The following CACNA2D3 variants were observed in gnomAD, a reference collection of about 807,000 sequenced individuals.
CACNA2D3 encodes voltage-dependent calcium channel subunit alpha-2/delta-3.
In CACNA2D3, 60 loss-of-function variants were observed where a neutral mutation model predicts 160.6. The ratio of observed to expected loss-of-function variants is 0.37; its 90% confidence interval spans 0.30 to 0.46. CACNA2D3 has a LOEUF of 0.46. CACNA2D3 is among the 20% of genes least tolerant of loss of function. CACNA2D3 has a pLI of 1.00. For synonymous variants in CACNA2D3, 558 were observed against 492.9 expected (o/e 1.13, Z -1.75); for missense variants, 1,205 against 1,365.0 (o/e 0.88, Z 1.85).
At chr3:55,039,793 A>G (rs542485541) in intron 35 of CACNA2D3, among the ~76,000 whole-genome samples, 10 of 152,350 alleles carry the variant, frequency 6.6e-5, no homozygotes, top group African/African-American at 2.2e-4. Flanking sequence ...GCTTTGCCAA[A>G]ATCTTTTAAG....
chr3:54,468,644 A>G (rs1475787462), intron 4 of CACNA2D3, among the ~76,000 whole-genome samples: 1 of 151,970 alleles, frequency 6.6e-6, no homozygotes, highest in Non-Finnish European at 1.5e-5. Flanking sequence ...AGCAGATCCC[A>G]CCCCCACGGA....
chr3:54,401,497 C>T (rs1419925452), intron 4 of CACNA2D3, among the ~76,000 whole-genome samples: 2 of 151,910 alleles, frequency 1.3e-5, no homozygotes, highest in African/African-American at 2.4e-5. Context: ...TTTAAAAGAA[C>T]AAGAGAAAAG....
intron 3 of CACNA2D3, among the ~76,000 whole-genome samples, chr3:54,324,837 C>T (rs1704087356): frequency 6.6e-6 from 1 of 152,142 alleles, no homozygotes; most frequent in African/African-American, 2.4e-5. Flanking sequence ...AAAGGATATG[C>T]ACCAGTCCTC....
intron 27 of CACNA2D3, among the ~76,000 whole-genome samples, chr3:54,964,531 T>C (rs537264213): frequency 1.8e-4 from 28 of 152,208 alleles, no homozygotes; most frequent in Non-Finnish European, 3.8e-4. Flanking sequence ...CTTGAAATGT[T>C]GCTGAAAGAA....
At chr3:54,487,179 C>G (rs1236163402) in intron 4 of CACNA2D3, among the ~76,000 whole-genome samples, 1 of 152,138 alleles carries the variant, frequency 6.6e-6, no homozygotes, top group Admixed American at 6.5e-5. Flanking sequence ...CCAGCCTGGG[C>G]AACATAGTGA....
chr3:54,152,595 A>G (rs1018711885), intron 2 of CACNA2D3, among the ~76,000 whole-genome samples: 3 of 152,218 alleles, frequency 2.0e-5, no homozygotes, highest in Non-Finnish European at 2.9e-5. Context: ...CTGAGTGGTA[A>G]GTGAATCAAT....
At chr3:54,625,115 T>G (rs952579406) in intron 9 of CACNA2D3, among the ~76,000 whole-genome samples, 2 of 152,134 alleles carry the variant, frequency 1.3e-5, no homozygotes, top group African/African-American at 2.4e-5. Context: ...TGAGACTGCC[T>G]AGTTCCCTGG....
intron 2 of CACNA2D3, among the ~76,000 whole-genome samples, chr3:54,258,004 G>C (rs984143345): frequency 2.6e-5 from 4 of 152,162 alleles, no homozygotes; most frequent in Non-Finnish European, 5.9e-5. Context: ...GAAGTGTTTT[G>C]AGGTATTTTT....
At chr3:54,154,321 C>G (rs1053865317) in intron 2 of CACNA2D3, among the ~76,000 whole-genome samples, 1 of 152,012 alleles carries the variant, frequency 6.6e-6, no homozygotes, top group Non-Finnish European at 1.5e-5. Flanking sequence ...ATACAATAAC[C>G]TGATTAGGGA....
chr3:54,578,861 A>AT (rs1475235391), intron 8 of CACNA2D3, among the ~76,000 whole-genome samples: 9 of 152,206 alleles, frequency 5.9e-5, no homozygotes, highest in African/African-American at 2.2e-4. Context: ...ATAGACTTTT[A>AT]TATTAGCAAG....
intron 2 of CACNA2D3, among the ~76,000 whole-genome samples, chr3:54,139,430 G>A (rs575748363): frequency 3.1e-4 from 47 of 152,368 alleles, no homozygotes; most frequent in Non-Finnish European, 6.0e-4. Context: ...GACTAAAGTC[G>A]CATTCATGTC....
chr3:54,919,345 G>T (rs1306079783), intron 27 of CACNA2D3, among the ~76,000 whole-genome samples: 1 of 152,212 alleles, frequency 6.6e-6, no homozygotes, highest in Admixed American at 6.5e-5. Flanking sequence ...GTGATGTTAT[G>T]TGTTTATTAC....
intron 6 of CACNA2D3, among the ~76,000 whole-genome samples, chr3:54,566,025 A>G (rs1419544446): frequency 1.3e-5 from 2 of 152,142 alleles, no homozygotes; most frequent in African/African-American, 4.8e-5. Context: ...CACCCATTAG[A>G]TCAAACTCCA....
intron 14 of CACNA2D3, among the ~76,000 whole-genome samples, chr3:54,821,373 G>T (rs1159724345): frequency 6.6e-6 from 1 of 152,156 alleles, no homozygotes. Flanking sequence ...TTGCCTCCTT[G>T]AACAAACACA....
At chr3:54,953,660 G>T (rs1364189462) in intron 27 of CACNA2D3, among the ~76,000 whole-genome samples, 1 of 152,228 alleles carries the variant, frequency 6.6e-6, no homozygotes, top group Non-Finnish European at 1.5e-5. Context: ...TTCCCCAGGA[G>T]CTGGGAAGGA....
chr3:54,666,977 C>T (rs2106891000), intron 11 of CACNA2D3, among the ~76,000 whole-genome samples: 1 of 152,312 alleles, frequency 6.6e-6, no homozygotes, highest in South Asian at 2.1e-4. Flanking sequence ...AGTTCTCTGG[C>T]TCTAGCGGTC....
At chr3:54,171,794 C>T (rs1002767323) in intron 2 of CACNA2D3, among the ~76,000 whole-genome samples, 16 of 152,156 alleles carry the variant, frequency 1.1e-4, no homozygotes, top group Non-Finnish European at 1.9e-4. Flanking sequence ...TTGGATTATT[C>T]GAGGCTGAAC....
At chr3:54,352,288 C>G (rs1193377548) in intron 3 of CACNA2D3, among the ~76,000 whole-genome samples, 1 of 152,044 alleles carries the variant, frequency 6.6e-6, no homozygotes, top group Non-Finnish European at 1.5e-5. Flanking sequence ...GCACCTACTT[C>G]GTAGGATTTG....
chr3:54,729,954 A>G (rs1479075220), intron 11 of CACNA2D3, among the ~76,000 whole-genome samples: 2 of 149,090 alleles, frequency 1.3e-5, no homozygotes, highest in African/African-American at 5.0e-5. Context: ...AGCTGAGATC[A>G]CACCACTGCA....
Sources: gnomAD v4.1 joint callset for allele counts (sites outside exome capture counted in the v4.1 genomes callset) on GRCh38, gnomAD v4.1.1 for gene constraint, MANE v1.5 for transcripts, NCBI Gene and HGNC (gene_info 2026-07-23, HGNC 2026-07-21) for gene names.